Variants in MOB3B observed in about 807,000 individuals in gnomAD.
MOB3B encodes MOB kinase activator 3B.
A neutral mutation model predicts 18.7 loss-of-function variants in MOB3B; 7 were observed. That is an observed-to-expected ratio of 0.37 (90% CI 0.21 to 0.70). MOB3B has a LOEUF of 0.70. Ranked by LOEUF, MOB3B falls within the 30% of genes least tolerant of loss-of-function variation. The pLI, the probability that MOB3B is intolerant of heterozygous loss-of-function variation, is 0.52. For missense variants in MOB3B, 253 were observed against 281.3 expected, an observed-to-expected ratio of 0.90 and a Z score of 0.72; for synonymous variants, 111 against 99.9, an observed-to-expected ratio of 1.11 and a Z score of -0.66.
intron 3 of MOB3B, among the ~76,000 whole-genome samples, chr9:27,335,106 A>G (rs753073274): frequency 2.4e-4 from 37 of 152,244 alleles, no homozygotes; most frequent in Non-Finnish European, 4.1e-4. Flanking sequence ...CGCCTGGCCC[A>G]AGAAGCTAAT....
At chr9:27,413,916 T>G (rs1363428586) in intron 2 of MOB3B, among the ~76,000 whole-genome samples, 1 of 152,194 alleles carries the variant, frequency 6.6e-6, no homozygotes, top group Non-Finnish European at 1.5e-5. Flanking sequence ...TTAAAAATAG[T>G]CTTCCAAAGA....
intron 2 of MOB3B, among the ~76,000 whole-genome samples, chr9:27,374,208 T>C (rs1026452692): frequency 2.6e-5 from 3 of 117,518 alleles, no homozygotes; most frequent in African/African-American, 1.0e-4. Flanking sequence ...CATTAATCTG[T>C]CTGAAGTATT....
At chr9:27,488,523 T>C (rs983517699) in intron 1 of MOB3B, among the ~76,000 whole-genome samples, 2 of 152,328 alleles carry the variant, frequency 1.3e-5, no homozygotes, top group Non-Finnish European at 2.9e-5. Context: ...TTCTCCTGCC[T>C]CAGCCTCCTG....
At chr9:27,417,223 G>A (rs1822164788) in intron 2 of MOB3B, among the ~76,000 whole-genome samples, 1 of 152,122 alleles carries the variant, frequency 6.6e-6, no homozygotes, top group Non-Finnish European at 1.5e-5. Flanking sequence ...AATTAGCCAG[G>A]CGTGGTGGCG....
At chr9:27,429,027 A>G (rs1244054076) in intron 2 of MOB3B, among the ~76,000 whole-genome samples, 2 of 152,262 alleles carry the variant, frequency 1.3e-5, no homozygotes, top group Non-Finnish European at 2.9e-5. Flanking sequence ...CTTGACTCAT[A>G]CATACTTTAG....
At chr9:27,342,924 C>T (rs1307393458) in intron 3 of MOB3B, among the ~76,000 whole-genome samples, 1 of 150,836 alleles carries the variant, frequency 6.6e-6, no homozygotes, top group Non-Finnish European at 1.5e-5. Flanking sequence ...TGCCTGGCCA[C>T]CCATCGTCTG....
chr9:27,424,208 G>T (rs1162097547), intron 2 of MOB3B, among the ~76,000 whole-genome samples: 2 of 152,146 alleles, frequency 1.3e-5, no homozygotes, highest in Non-Finnish European at 2.9e-5. Flanking sequence ...AATGGAAAAA[G>T]GACATTTACT....
chr9:27,380,839 A>G (rs1404717813), intron 2 of MOB3B, among the ~76,000 whole-genome samples: 1 of 152,106 alleles, frequency 6.6e-6, no homozygotes, highest in Admixed American at 6.5e-5. Context: ...AAGGGAATTG[A>G]GACAGCCTAA....
chr9:27,420,052 A>C (rs1242342472), intron 2 of MOB3B, among the ~76,000 whole-genome samples: 1 of 152,240 alleles, frequency 6.6e-6, no homozygotes, highest in African/African-American at 2.4e-5. Context: ...ACATGAAAAA[A>C]AATGTTCAAC....
rs771392619 is a variant in MOB3B at position 27,524,906 on chromosome 9, CAGA to C, written c.-199+4646_-199+4648del. 31 of 1,611,146 alleles carry C rather than the reference CAGA, an allele frequency of 1.9e-5. No homozygotes were observed. The East Asian group carries it at 4.0e-4, about 21-fold the overall frequency. On this transcript the variant is annotated intron_variant, in intron 1 of 3. Transcript: ENST00000262244. ...CCTGGGAGATTGTCCGAGTGGAAATCAGAAGATGTTTGTATTACTTTTACAAAT... is the reference window on the plus strand; with the variant it reads ...CCTGGGAGATTGTCCGAGTGGAAATCAGATGTTTGTATTACTTTTACAAAT...
chr9:27,356,368 C>G (rs925501123), intron 3 of MOB3B, among the ~76,000 whole-genome samples: 1 of 152,152 alleles, frequency 6.6e-6, no homozygotes, highest in Admixed American at 6.5e-5. Context: ...CTCCCAGGCC[C>G]CCAAAGAGGC....
rs557451836 is a variant in MOB3B, at chr9:27,411,803, CAG to C, written c.418+43328_418+43329del. Among the ~76,000 whole-genome samples the C allele has an allele frequency of 2.0e-4, 30 of 152,250 alleles. No individual in the cohort carries two copies. The South Asian group carries it at 6.2e-3, about 32-fold the overall frequency. ...AAAACCCATAGAACTATACACAACA[CAG>C]AGTCAACCCTAATGTAAACTATGGA... On this transcript the variant is annotated intron_variant, in intron 2 of 3. Coordinates refer to ENST00000262244, the MANE Select transcript of MOB3B (RefSeq NM_024761.5).
At chr9:27,490,678 T>A (rs1293647563) in intron 1 of MOB3B, among the ~76,000 whole-genome samples, 1 of 152,162 alleles carries the variant, frequency 6.6e-6, no homozygotes, top group Non-Finnish European at 1.5e-5. Context: ...GTTCCTTGAC[T>A]TGCCGTAAGG....
rs1445236119 is a variant in MOB3B at position 27,325,967 on chromosome 9, AG to A, written c.*4619del. ...AAGTCCCTTAATGTTTTGCCAATTA[AG>A]GTTTTTTTTTTTTTTTTTTTGAAAC... On this transcript the variant is annotated 3_prime_UTR_variant, in exon 4 of 4. Coordinates refer to ENST00000262244, the MANE Select transcript of MOB3B (RefSeq NM_024761.5). The A allele has an allele frequency of 7.6e-6, 1 of 131,374 alleles. No individual in the cohort carries two copies. Among genetic ancestry groups the A allele is most frequent in the African/African-American group, 2.8e-5 (1 of 35,500 alleles). The allele number at this position is 131,374 out of a possible 1,614,324, so 8.1% of individuals were successfully genotyped here. A position where few individuals can be genotyped will look rare whatever the true frequency, so the allele number is the denominator to read the frequency against.
In MOB3B at chr9:27,326,770, A is replaced by G; in HGVS notation, c.*3817T>C. 1 of 395,776 alleles carries G rather than the reference A, an allele frequency of 2.5e-6. No homozygotes were observed. The highest frequency in any genetic ancestry group is 4.4e-6 in the Non-Finnish European group (1 of 224,724). 24.5% of individuals were successfully genotyped at this position (395,776 alleles called of 1,614,324 possible). On this transcript the variant is annotated 3_prime_UTR_variant, in exon 4 of 4. Coordinates refer to ENST00000262244, the MANE Select transcript of MOB3B (RefSeq NM_024761.5). ...AAATGACTCTAGATCAGTATTTCTC[A>G]ATTACAGCCGTGTAAGACATTTTCT...
At chr9:27,484,259 GAGATAATAA>G (rs1246540129) in intron 1 of MOB3B, among the ~76,000 whole-genome samples, 1 of 152,198 alleles carries the variant, frequency 6.6e-6, no homozygotes, top group East Asian at 1.9e-4. Context: ...AAAACGGGAA[GAGATAATAA>G]ACAGCCATCA....
intron 1 of MOB3B, among the ~76,000 whole-genome samples, chr9:27,498,915 T>C (rs1371942737): frequency 2.0e-5 from 3 of 152,222 alleles, no homozygotes; most frequent in Non-Finnish European, 2.9e-5. Flanking sequence ...AACATCTCTG[T>C]GGGCCAAAAT....
At chr9:27,389,287 G>A (rs1320412034) in intron 2 of MOB3B, among the ~76,000 whole-genome samples, 1 of 152,088 alleles carries the variant, frequency 6.6e-6, no homozygotes, top group East Asian at 1.9e-4. Context: ...TGGGGAGTTG[G>A]GATACATGCT....
Position 27,346,484 on chromosome 9 carries a change from T to C in MOB3B, c.621+12550A>G, listed in dbSNP as rs79598336. On this transcript the variant is annotated intron_variant, in intron 3 of 3. Transcript: ENST00000262244. Reference sequence around the variant, plus strand: ...AAACAGTATTTATCTCATAGACTTGTGTGCAGATTGAATGACGTAACACAT... The same window carrying C: ...AAACAGTATTTATCTCATAGACTTGCGTGCAGATTGAATGACGTAACACAT... 1.9e-4 allele frequency among the ~76,000 whole-genome samples: 29 copies of C among 152,354 alleles called. 1 individual carries two copies. The East Asian group carries it at 5.0e-3, about 26-fold the overall frequency.
Sources: allele counts gnomAD v4.1 joint callset (sites outside exome capture counted in the v4.1 genomes callset), GRCh38; gene constraint gnomAD v4.1.1; transcripts MANE v1.5; gene names NCBI Gene and HGNC (gene_info 2026-07-23, HGNC 2026-07-21).